The following CDH18 variants were observed in gnomAD, a reference collection of about 807,000 sequenced individuals.
CDH18 encodes the protein cadherin-18.
In CDH18, 31 loss-of-function variants were observed where a neutral mutation model predicts 67.9. The ratio of observed to expected loss-of-function variants is 0.46; its 90% CI spans 0.34 to 0.62. CDH18 has a LOEUF of 0.62. Ranked by LOEUF, CDH18 falls within the 20% of genes least tolerant of loss-of-function variation. The pLI, the probability that CDH18 is intolerant of heterozygous loss-of-function variation, is 0.01. For synonymous variants in CDH18, 362 were observed against 347.2 expected (o/e 1.04, Z -0.48); for missense variants, 890 against 975.5 (o/e 0.91, Z 1.17).
chr5:20,406,160 A>G (rs1299360534), intron 1 of CDH18, among the ~76,000 whole-genome samples: 1 of 152,198 alleles, frequency 6.6e-6, no homozygotes, highest in East Asian at 1.9e-4. Flanking sequence ...ACTATTGACA[A>G]TAGCAAAGAC....
At chr5:19,707,425 T>A (rs192078646) in intron 5 of CDH18, among the ~76,000 whole-genome samples, 160 of 152,304 alleles carry the variant, frequency 1.1e-3, no homozygotes, top group African/African-American at 3.8e-3. Context: ...TTATTGGGCA[T>A]ATTTACCTTT....
intron 1 of CDH18, among the ~76,000 whole-genome samples, chr5:20,263,891 C>T (rs1436809584): frequency 6.6e-6 from 1 of 151,700 alleles, no homozygotes; most frequent in African/African-American, 2.4e-5. Flanking sequence ...TTACTACTAG[C>T]TAAGGAAAAG....
chr5:19,833,098 C>G (rs1011948725), intron 3 of CDH18, among the ~76,000 whole-genome samples: 1 of 152,042 alleles, frequency 6.6e-6, no homozygotes, highest in Non-Finnish European at 1.5e-5. Context: ...AGCATTGAAT[C>G]TACAAATTAC....
At chr5:19,544,059 T>C in intron 8 of CDH18, 54 bp from the exon 9 acceptor site, 1 of 921,226 alleles carries the variant, frequency 1.1e-6, no homozygotes. Flanking sequence ...AAAATACAAC[T>C]GAACCAAGGA....
At chr5:19,625,552 A>G (rs1208788301) in intron 5 of CDH18, among the ~76,000 whole-genome samples, 1 of 152,074 alleles carries the variant, frequency 6.6e-6, no homozygotes, top group Non-Finnish European at 1.5e-5. Flanking sequence ...TTGGGGCAGT[A>G]TGGGATTGCT....
At chr5:20,127,935 C>T (rs988832667) in intron 2 of CDH18, among the ~76,000 whole-genome samples, 7 of 152,166 alleles carry the variant, frequency 4.6e-5, no homozygotes, top group Middle Eastern at 6.8e-3. Flanking sequence ...ATTAAAAAGT[C>T]ACTTGAATCA....
At chr5:20,250,619 T>TC (rs1554107683) in intron 2 of CDH18, among the ~76,000 whole-genome samples, 19 of 95,218 alleles carry the variant, frequency 2.0e-4, no homozygotes, top group African/African-American at 7.6e-4. Context: ...TTTTTTTTTT[T>TC]CGAGATTTAA....
intron 1 of CDH18, among the ~76,000 whole-genome samples, chr5:20,306,760 A>G (rs921387619): frequency 6.6e-6 from 1 of 152,136 alleles, no homozygotes; most frequent in African/African-American, 2.4e-5. Flanking sequence ...TAATGCGTCT[A>G]TTTTTCCCTA....
intron 2 of CDH18, among the ~76,000 whole-genome samples, chr5:19,854,260 T>C (rs998128106): frequency 3.3e-5 from 5 of 152,152 alleles, no homozygotes; most frequent in Admixed American, 2.0e-4. Flanking sequence ...GTCTGATATC[T>C]GATTTGGCAA....
chr5:19,860,766 C>A (rs578175945), intron 2 of CDH18, among the ~76,000 whole-genome samples: 3 of 151,904 alleles, frequency 2.0e-5, no homozygotes, highest in African/African-American at 4.8e-5. Context: ...ATGATTCTTG[C>A]GGAAAGAGAT....
chr5:20,324,395 G>C (rs1452044129), intron 1 of CDH18, among the ~76,000 whole-genome samples: 2 of 152,106 alleles, frequency 1.3e-5, no homozygotes, highest in Non-Finnish European at 2.9e-5. Context: ...AAAAAAATTA[G>C]CCAGGCATGG....
chr5:20,021,718 C>T (rs1039305978), intron 2 of CDH18, among the ~76,000 whole-genome samples: 2 of 152,186 alleles, frequency 1.3e-5, no homozygotes, highest in African/African-American at 4.8e-5. Context: ...GCTTTCTGTA[C>T]AGCCTGTGAA....
chr5:19,800,656 A>G (rs1777364574), intron 3 of CDH18, among the ~76,000 whole-genome samples: 1 of 152,218 alleles, frequency 6.6e-6, no homozygotes, highest in South Asian at 2.1e-4. Context: ...AAAAAGAGGT[A>G]GGATTTGTGT....
At chr5:19,759,509 G>A (rs958467036) in intron 3 of CDH18, among the ~76,000 whole-genome samples, 1 of 152,110 alleles carries the variant, frequency 6.6e-6, no homozygotes, top group African/African-American at 2.4e-5. Context: ...TGGCACTGGG[G>A]AAATTACCAC....
chr5:19,557,372 A>G (rs189309863), intron 8 of CDH18, among the ~76,000 whole-genome samples: 19 of 152,196 alleles, frequency 1.2e-4, no homozygotes, highest in Middle Eastern at 6.8e-3. Context: ...TCACCAACCA[A>G]GTATCTGCTG....
At chr5:20,394,431 A>G (rs1745121712) in intron 1 of CDH18, among the ~76,000 whole-genome samples, 1 of 152,116 alleles carries the variant, frequency 6.6e-6, no homozygotes, top group African/African-American at 2.4e-5. Flanking sequence ...ATACAAATAA[A>G]CTTAAGATGA....
Position 19,747,117 on chromosome 5 carries a change from T to G in CDH18, c.348A>C (p.Leu116=). The G allele has an allele frequency of 6.2e-7, 1 of 1,614,116 alleles. No individual in the cohort carries two copies. Among genetic ancestry groups the G allele is most frequent in the Non-Finnish European group, 8.5e-7 (1 of 1,179,994 alleles). ...TTGDIHSTKS[L]DREQKTHYVL... is the part of the protein sequence containing the mutation. ...CATAGTGGGTCTTCTGCTCTCTGTC[T>G]AGGCTTTTTGTTGAGTGGATATCAC... Residue 116 remains leucine, a synonymous_variant, in exon 4 of 13, where the codon CTA becomes CTC. Coordinates refer to ENST00000382275, the MANE Select transcript of CDH18 (RefSeq NM_004934.5).
chr5:20,409,515 A>G (rs1746587676), intron 1 of CDH18, among the ~76,000 whole-genome samples: 1 of 151,764 alleles, frequency 6.6e-6, no homozygotes, highest in South Asian at 2.1e-4. Flanking sequence ...GATGTTGTAA[A>G]AGCAGTACTA....
Position 19,927,998 on chromosome 5 carries a change from T to C in CDH18, c.-257+53062A>G, listed in dbSNP as rs376486300. Among the ~76,000 whole-genome samples, 19 of 152,300 alleles carry C rather than the reference T, an allele frequency of 1.2e-4. 1 individual carries two copies. Among genetic ancestry groups the C allele is most frequent in the African/African-American group, 4.6e-4 (19 of 41,578 alleles). ...TCCATCCTATCTTGTTGTGTTTATT[T>C]GAGGTAATCTATTAGTTTACACAAC... On this transcript the variant is annotated intron_variant, in intron 2 of 12. Transcript: ENST00000382275.
Sources: gnomAD v4.1 joint callset for allele counts (sites outside exome capture counted in the v4.1 genomes callset) on GRCh38, gnomAD v4.1.1 for gene constraint, MANE v1.5 for transcripts, NCBI Gene and HGNC (gene_info 2026-07-23, HGNC 2026-07-21) for gene names.